EDRF1: variants seen among roughly 807,000 people sequenced by gnomAD.
The protein encoded by EDRF1 is erythroid differentiation regulatory factor 1, also known as erythroid differentiation-related factor 1.
In EDRF1, 69 loss-of-function variants were observed where a neutral mutation model predicts 148.7. That is an observed-to-expected ratio of 0.46 (90% CI 0.38 to 0.57). The LOEUF (loss-of-function observed/expected upper bound fraction) is 0.57. Ranked by LOEUF, EDRF1 falls within the 20% of genes least tolerant of loss-of-function variation. The pLI is 0.00. For synonymous variants in EDRF1, 515 were observed against 532.8 expected (o/e 0.97, Z 0.46); for missense variants, 1,118 against 1,478.7 (o/e 0.76, Z 4.00).
chr10:125,756,969 C>T (rs956266340), intron 24 of EDRF1: 3 of 401,718 alleles, frequency 7.5e-6, no homozygotes, highest in Non-Finnish European at 1.5e-5. Flanking sequence ...TGCCCCACGA[C>T]ACCCAACTAA....
intron 9 of EDRF1, among the ~76,000 whole-genome samples, chr10:125,730,869 G>A (rs1035080549): frequency 4.6e-5 from 7 of 152,320 alleles, no homozygotes; most frequent in South Asian, 2.1e-4. Context: ...GAAGCTAGGC[G>A]TGTTGGCTTA....
Position 125,741,202 on chromosome 10 carries a change from G to A in EDRF1, c.2371+1G>A. 1 of 1,614,122 alleles carries A rather than the reference G, an allele frequency of 6.2e-7. No individual in the cohort carries two copies. The highest frequency in any genetic ancestry group is 8.5e-7 in the Non-Finnish European group (1 of 1,179,980). Reference sequence around the variant, plus strand: ...CTTCACAGAGAGTCCAGTTGCCAAGGTGTGCCACAGGCTTGGACCACGTGG... The same window carrying A: ...CTTCACAGAGAGTCCAGTTGCCAAGATGTGCCACAGGCTTGGACCACGTGG... On this transcript the variant is annotated splice_donor_variant, in intron 17 of 24. Transcript: ENST00000356792. LOFTEE classifies it high-confidence loss of function.
At chr10:125,751,038 T>C (rs1334446354) in intron 22 of EDRF1, among the ~76,000 whole-genome samples, 11 of 152,258 alleles carry the variant, frequency 7.2e-5, no homozygotes, top group African/African-American at 2.6e-4. Context: ...CACTGCAACC[T>C]TGACCATCTG....
chr10:125,733,345 A>C, intron 9 of EDRF1, 59 bp from the exon 10 acceptor site: 5 of 1,370,446 alleles, frequency 3.6e-6, no homozygotes, highest in Non-Finnish European at 5.0e-6. Flanking sequence ...TTTAAAAAGA[A>C]AGGTGTTGTT....
rs182190158 is a variant in EDRF1 at position 125,721,487 on chromosome 10, T to C, written c.317+75T>C. Reference sequence around the variant, plus strand: ...AACTCTTATTTGCTTTTAAATTCAGTTTGTAATGCCTATTAACTTGTCGAG... The same window carrying C: ...AACTCTTATTTGCTTTTAAATTCAGCTTGTAATGCCTATTAACTTGTCGAG... On this transcript the variant is annotated intron_variant, in intron 2 of 24. Coordinates refer to ENST00000356792, the MANE Select transcript of EDRF1 (RefSeq NM_001202438.2). 4 of 1,333,222 alleles carry C rather than the reference T, an allele frequency of 3.0e-6. No homozygotes were observed. In the Admixed American group the frequency reaches 5.7e-5, roughly 19 times the overall value. The allele number at this position is 1,333,222 out of a possible 1,614,324, so 82.6% of individuals were successfully genotyped here.
At chr10:125,748,590 T>TCC (rs34148291) in intron 21 of EDRF1, 4,258 of 160,252 alleles carry the variant, frequency 0.027, 177 homozygotes, top group African/African-American at 0.086. Context: ...TTGTTGATTT[T>TCC]CCCCCCCCGT....
At chr10:125,735,989 T>A (rs1848710023) in intron 13 of EDRF1, 85 bp downstream of exon 13, 2 of 1,245,020 alleles carry the variant, frequency 1.6e-6, no homozygotes, top group Admixed American at 3.9e-5. Flanking sequence ...AAGATACCAT[T>A]ACTTCAATAA....
chr10:125,754,584 C>T (rs1486765984), intron 24 of EDRF1, among the ~76,000 whole-genome samples: 1 of 152,180 alleles, frequency 6.6e-6, no homozygotes, highest in Non-Finnish European at 1.5e-5. Context: ...GAGAGAAGAG[C>T]GCACACCTCC....
chr10:125,720,447 A>G (rs1847928295), intron 1 of EDRF1, among the ~76,000 whole-genome samples: 1 of 152,176 alleles, frequency 6.6e-6, no homozygotes, highest in Non-Finnish European at 1.5e-5. Flanking sequence ...ATTACTAAAT[A>G]TTTGCATTAA....
At chr10:125,740,924 A>G (rs1424777301) in intron 16 of EDRF1, 77 bp from the exon 17 acceptor site, 2 of 1,415,812 alleles carry the variant, frequency 1.4e-6, no homozygotes, top group Non-Finnish European at 2.0e-6. Flanking sequence ...CTGGTAACAC[A>G]GTTTCTTCAT....
intron 5 of EDRF1, 110 bp from the exon 6 acceptor site, chr10:125,725,572 T>TAA: frequency 1.9e-6 from 3 of 1,565,622 alleles, no homozygotes; most frequent in Non-Finnish European, 2.6e-6. Flanking sequence ...CATATTTCTT[T>TAA]TTTACAAGAT....
In EDRF1 at chr10:125,763,407, G is replaced by A. The variant is rs199896078; in HGVS notation, c.3652G>A (p.Val1218Ile). ...KTATLLERIN[V>I]IVHLLGQLAA... is the part of the protein sequence containing the mutation. ...CGCGACTCTTCTGGAAAGAATCAAC[G>A]TTATCGTCCACCTGCTGGGCCAGCT... is the stretch of plus-strand genomic sequence containing the variant. Residue 1218 changes from valine to isoleucine, a missense_variant, in exon 25 of 25, where the codon GTT becomes ATT. By Grantham distance (29) the Val-to-Ile change is conservative (BLOSUM62 3). Around this residue, in one of 3 missense-constraint regions of EDRF1, gnomAD observed 954 missense variants for 1,241.4 expected, o/e 0.77. Coordinates refer to ENST00000356792, the MANE Select transcript of EDRF1 (RefSeq NM_001202438.2). The surrounding 1 kb of genome is among the most constrained non-coding windows in gnomAD (Gnocchi z 4.3). The A allele has an allele frequency of 2.3e-4, 370 of 1,612,130 alleles. No individual in the cohort carries two copies. The highest frequency in any genetic ancestry group is 2.9e-4 in the Non-Finnish European group (347 of 1,180,046).
intron 22 of EDRF1, chr10:125,751,837 G>A (rs917008989): frequency 2.4e-4 from 37 of 152,334 alleles, no homozygotes; most frequent in Admixed American, 1.6e-3. Flanking sequence ...AAGAGGCTCG[G>A]GAGGCAGAGT....
Position 125,745,877 on chromosome 10 carries a change from G to C in EDRF1, c.2761G>C (p.Gly921Arg). ...RICAQAHCGAGDELKREFSPE... is the reference protein window; with the variant it reads ...RICAQAHCGARDELKREFSPE... Reference sequence around the variant, plus strand: ...TTGTGCGCAGGCCCACTGTGGTGCAGGGGATGAACTGAAACGTGAATTTTC... The same window carrying C: ...TTGTGCGCAGGCCCACTGTGGTGCACGGGATGAACTGAAACGTGAATTTTC... Residue 921 changes from glycine (G) to arginine (R), a missense_variant, in exon 19 of 25, where the codon GGG becomes CGG. Coordinates refer to ENST00000356792, the MANE Select transcript of EDRF1 (RefSeq NM_001202438.2). 6.2e-7 allele frequency: 1 copy of C among 1,614,238 alleles called. No homozygotes were observed. The highest frequency in any genetic ancestry group is 8.5e-7 in the Non-Finnish European group (1 of 1,180,042).
intron 2 of EDRF1, 60 bp from the exon 3 acceptor site, chr10:125,723,008 C>A: frequency 7.7e-7 from 1 of 1,300,520 alleles, no homozygotes; most frequent in Non-Finnish European, 1.1e-6. Context: ...TGTTATTAAG[C>A]TCTACTTGCA....
intron 9 of EDRF1, among the ~76,000 whole-genome samples, chr10:125,732,395 G>A (rs1352172052): frequency 6.6e-6 from 1 of 152,226 alleles, no homozygotes; most frequent in East Asian, 1.9e-4. Flanking sequence ...ATATGTTTTT[G>A]TCACATGTTC....
At chr10:125,761,391 G>C (rs1850187873) in intron 24 of EDRF1, 1 of 207,854 alleles carries the variant, frequency 4.8e-6, no homozygotes, top group African/African-American at 2.4e-5. Context: ...CACAGATCCA[G>C]GCCTCTTAAC....
In EDRF1 at chr10:125,743,097, G is replaced by T; in HGVS notation, c.2411G>T (p.Ser804Ile). 1 of 1,613,928 alleles carries T rather than the reference G, an allele frequency of 6.2e-7. No homozygotes were observed. Among genetic ancestry groups the T allele is most frequent in the Non-Finnish European group, 8.5e-7 (1 of 1,179,950 alleles). The change falls in exon 18 of 25, where the codon AGT (serine) becomes ATT (isoleucine). Residue 804 changes from serine to isoleucine, a missense_variant. Ser to Ile is a moderately radical substitution (Grantham distance 142, BLOSUM62 -2). Transcript: ENST00000356792. ...ACTGATTTGTCTACAGACTTAGAAAGTCAACTCTCTGTTAGTTGTAAATGT... is the reference window on the plus strand; with the variant it reads ...ACTGATTTGTCTACAGACTTAGAAATTCAACTCTCTGTTAGTTGTAAATGT... The part of the protein sequence containing the change: ...WATDLSTDLE[S>I]QLSVSCKCYE...
chr10:125,744,238 A>C (rs1380872221), intron 18 of EDRF1, among the ~76,000 whole-genome samples: 3 of 144,414 alleles, frequency 2.1e-5, no homozygotes, highest in Non-Finnish European at 4.5e-5. Context: ...TTTTTTTTTG[A>C]GACAGGGTTT....
Sources: gnomAD v4.1 joint callset for allele counts (sites outside exome capture counted in the v4.1 genomes callset) on GRCh38, gnomAD v4.1.1 for gene constraint, gnomAD v4.1.1 regional missense constraint, Gnocchi (gnomAD v3.1) non-coding constraint, MANE v1.5 for transcripts, NCBI Gene and HGNC (gene_info 2026-07-23, HGNC 2026-07-21) for gene names.